ZBTB8OS: variants seen among roughly 807,000 people sequenced by gnomAD.
ZBTB8OS encodes tRNA splicing ligase complex subunit 1.
ZBTB8OS carries 16 observed loss-of-function variants against 29.3 expected under a neutral mutation model. The observed-to-expected ratio is 0.55, with a 90% CI of 0.37 to 0.83. The LOEUF (loss-of-function observed/expected upper bound fraction) is 0.83, where lower values mean the gene tolerates loss of function less well. Ranked by LOEUF, ZBTB8OS falls within the 40% of genes least tolerant of loss-of-function variation. ZBTB8OS has a pLI of 0.00. For missense variants in ZBTB8OS, 160 were observed against 196.9 expected, an observed-to-expected ratio of 0.81 and a Z score of 1.12; for synonymous variants, 70 against 64.6, an observed-to-expected ratio of 1.08 and a Z score of -0.40.
At chr1:32,644,534 CTTTTTTTT>C (rs57960226) in intron 1 of ZBTB8OS, among the ~76,000 whole-genome samples, 1 of 127,062 alleles carries the variant, frequency 7.9e-6, no homozygotes, top group Admixed American at 8.3e-5. Flanking sequence ...TTTCTTTTTC[CTTTTTTTT>C]TTTTTTTTTT....
chr1:32,646,721 ACTT>A (rs1002850655), intron 1 of ZBTB8OS, among the ~76,000 whole-genome samples: 13 of 151,822 alleles, frequency 8.6e-5, no homozygotes, highest in African/African-American at 2.9e-4. Flanking sequence ...CCTGAGTATG[ACTT>A]CTTATCTTAG....
intron 1 of ZBTB8OS, among the ~76,000 whole-genome samples, chr1:32,647,353 C>G (rs1646931419): frequency 6.7e-6 from 1 of 150,172 alleles, no homozygotes; most frequent in South Asian, 2.1e-4. Context: ...AGAAGAATTA[C>G]TTGAACCTGG....
At chr1:32,642,291 A>G (rs1422793360) in intron 1 of ZBTB8OS, among the ~76,000 whole-genome samples, 2 of 152,070 alleles carry the variant, frequency 1.3e-5, no homozygotes, top group African/African-American at 4.8e-5. Context: ...ATCACCTGAG[A>G]TCAGGAGTTC....
intron 2 of ZBTB8OS, chr1:32,634,541 A>AT (rs1645810525): frequency 1.8e-6 from 1 of 566,578 alleles, no homozygotes; most frequent in South Asian, 2.5e-5. Flanking sequence ...TTTATTTTTT[A>AT]TTTTTTGAGA....
At position 32,628,362 on chromosome 1, in the gene ZBTB8OS, C is replaced by T. The variant is rs183331041; in HGVS notation, c.381-818G>A. 2.0e-3 allele frequency among the ~76,000 whole-genome samples: 294 copies of T among 150,166 alleles called. 2 individuals are homozygous for T. Among genetic ancestry groups the T allele is most frequent in the African/African-American group, 6.5e-3 (263 of 40,558 alleles). On this transcript the variant is annotated intron_variant, in intron 5 of 6. Transcript: ENST00000468695. ...ACAGAGCGAAATGAAAAAGGTCAGG[C>T]GCGGTGGCTCATGCCTGTAATCCCA...
intron 1 of ZBTB8OS, among the ~76,000 whole-genome samples, chr1:32,645,202 A>C (rs1349999359): frequency 1.3e-5 from 2 of 150,956 alleles, no homozygotes; most frequent in East Asian, 3.9e-4. Context: ...ATTTTCATTC[A>C]AGAATGTCCT....
chr1:32,626,801 G>A (rs1395651415), intron 6 of ZBTB8OS, among the ~76,000 whole-genome samples: 1 of 152,098 alleles, frequency 6.6e-6, no homozygotes, highest in Non-Finnish European at 1.5e-5. Context: ...TGCCTGCCTT[G>A]GCCTCCCAAA....
At chr1:32,645,613 T>C (rs1353647419) in intron 1 of ZBTB8OS, among the ~76,000 whole-genome samples, 4 of 152,102 alleles carry the variant, frequency 2.6e-5, no homozygotes, top group Non-Finnish European at 5.9e-5. Flanking sequence ...TGGAGTGCAG[T>C]GGGGGCAATT....
chr1:32,650,319 A>G (rs964998986), intron 1 of ZBTB8OS, 114 bp downstream of exon 1: 1 of 1,387,106 alleles, frequency 7.2e-7, no homozygotes, highest in South Asian at 1.3e-5. Flanking sequence ...CACAAATGGG[A>G]TCATGCCTGA....
chr1:32,646,323 G>GA lies in ZBTB8OS; in HGVS notation c.97+4109dup, dbSNP rs1334097293. ...GGTGACAGAATGAGACTGTCTCAGGGAAAAAAAAAAAGATTTTTTTTTCTT... is the reference window on the plus strand; with the variant it reads ...GGTGACAGAATGAGACTGTCTCAGGGAAAAAAAAAAAAGATTTTTTTTTCTT... On this transcript the variant is annotated intron_variant, in intron 1 of 6. Transcript: ENST00000468695. Among the ~76,000 whole-genome samples, 106 of 143,888 alleles carry GA rather than the reference G, an allele frequency of 7.4e-4. 1 individual carries two copies. Among genetic ancestry groups the GA allele is most frequent in the East Asian group, 2.0e-3 (10 of 4,992 alleles). 94.4% of individuals were successfully genotyped at this position (143,888 alleles called of 152,430 possible). A position where few individuals can be genotyped will look rare whatever the true frequency, so the allele number is the denominator to read the frequency against.
intron 2 of ZBTB8OS, chr1:32,634,432 G>A (rs889303393): frequency 5.6e-5 from 20 of 355,460 alleles, no homozygotes; most frequent in African/African-American, 3.7e-4. Flanking sequence ...TTACCATGTT[G>A]GTCAGGCTGG....
intron 1 of ZBTB8OS, among the ~76,000 whole-genome samples, chr1:32,641,026 A>C (rs1482183962): frequency 6.6e-6 from 1 of 150,456 alleles, no homozygotes; most frequent in African/African-American, 2.4e-5. Context: ...AAAAAAAATT[A>C]GCTGGGCATG....
chr1:32,621,990 A>C, intron 6 of ZBTB8OS, 42 bp from the exon 7 acceptor site: 1 of 1,322,800 alleles, frequency 7.6e-7, no homozygotes, highest in Non-Finnish European at 1.0e-6. Context: ...AAAGGAAAAT[A>C]GGATATTGAA....
Position 32,650,456 on chromosome 1 carries a change from G to A in ZBTB8OS, c.74C>T (p.Pro25Leu), listed in dbSNP as rs1324889165. 6.2e-7 allele frequency: 1 copy of A among 1,614,148 alleles called. No individual in the cohort carries two copies. Among genetic ancestry groups the A allele is most frequent in the East Asian group, 2.2e-5 (1 of 44,880 alleles). The change falls in exon 1 of 7, where the codon CCG (proline) becomes CTG (leucine). Residue 25 changes from proline (P) to leucine (L), a missense_variant. By Grantham distance (98) the Pro-to-Leu change is moderately conservative. Transcript: ENST00000468695. The stretch of plus-strand genomic sequence containing the variant: ...ACACTCGTACTTCCTATTGACTGGC[G>A]GATACTTGGCCTTGATCGCCTTCTG... ...EEQKAIKAKY[P>L]PVNRKYEYLD... is the part of the protein sequence containing the mutation.
intron 6 of ZBTB8OS, among the ~76,000 whole-genome samples, chr1:32,625,220 C>CAA (rs11315615): frequency 2.4e-3 from 328 of 134,570 alleles, no homozygotes; most frequent in African/African-American, 8.4e-3. Flanking sequence ...GAGACTGTCT[C>CAA]AAAAAAAAAA....
intron 6 of ZBTB8OS, among the ~76,000 whole-genome samples, chr1:32,626,780 C>G (rs1157297680): frequency 6.6e-6 from 1 of 152,108 alleles, no homozygotes; most frequent in African/African-American, 2.4e-5. Context: ...AACTCCTGAC[C>G]TAAAGCGATC....
At chr1:32,646,634 G>A (rs962855480) in intron 1 of ZBTB8OS, among the ~76,000 whole-genome samples, 17 of 150,918 alleles carry the variant, frequency 1.1e-4, no homozygotes, top group Non-Finnish European at 2.1e-4. Context: ...GTGATCCGCC[G>A]GCCAAAAGTT....
rs1306456431 is a variant in ZBTB8OS, at chr1:32,620,935, G to A, written c.*927C>T. The stretch of plus-strand genomic sequence containing the variant: ...AGGCATAGTATTGACTTTTTCTTAT[G>A]AGAAAACAGGAAATATCATTAGTGC... On this transcript the variant is annotated 3_prime_UTR_variant, in exon 7 of 7. Transcript: ENST00000468695. 6.6e-6 allele frequency: 1 copy of A among 152,176 alleles called. No individual in the cohort carries two copies. Among genetic ancestry groups the A allele is most frequent in the Non-Finnish European group, 1.5e-5 (1 of 68,038 alleles). 9.4% of individuals were successfully genotyped at this position (152,176 alleles called of 1,614,324 possible).
At chr1:32,624,809 G>A (rs372062809) in intron 6 of ZBTB8OS, among the ~76,000 whole-genome samples, 23 of 151,820 alleles carry the variant, frequency 1.5e-4, no homozygotes, top group East Asian at 3.9e-4. Context: ...CAGGAGAATC[G>A]CTTGAACCTG....
Sources: allele counts gnomAD v4.1 joint callset (sites outside exome capture counted in the v4.1 genomes callset), GRCh38; gene constraint gnomAD v4.1.1; transcripts MANE v1.5; gene names NCBI Gene and HGNC (gene_info 2026-07-23, HGNC 2026-07-21).